Variants in CSMD3 observed in about 807,000 individuals in gnomAD.
The protein encoded by CSMD3 is CUB and sushi domain-containing protein 3.
CSMD3 carries 177 observed loss-of-function variants against 435.2 expected under a neutral mutation model. The observed-to-expected ratio is 0.41, with a 90% CI of 0.36 to 0.46. CSMD3 has a LOEUF of 0.46. Ranked by LOEUF, CSMD3 falls within the 20% of genes least tolerant of loss-of-function variation. CSMD3 has a pLI of 0.34. For missense variants in CSMD3, 4,265 were observed against 4,504.6 expected (o/e 0.95, Z 1.52); for synonymous variants, 1,656 against 1,520.5 (o/e 1.09, Z -2.07).
At chr8:112,452,964 T>A (rs1366340363) in intron 32 of CSMD3, among the ~76,000 whole-genome samples, 2 of 152,192 alleles carry the variant, frequency 1.3e-5, no homozygotes, top group African/African-American at 4.8e-5. Flanking sequence ...AAATACTGGT[T>A]AAAATTAATT....
intron 32 of CSMD3, among the ~76,000 whole-genome samples, chr8:112,458,881 T>C (rs1166512090): frequency 2.6e-5 from 4 of 152,090 alleles, no homozygotes; most frequent in Non-Finnish European, 5.9e-5. Context: ...GTAATATCAC[T>C]TGCTCCTTTC....
chr8:112,271,705 A>G (rs1199938263), intron 59 of CSMD3, among the ~76,000 whole-genome samples: 2 of 152,228 alleles, frequency 1.3e-5, no homozygotes, highest in Non-Finnish European at 2.9e-5. Context: ...GATTTGTTGT[A>G]ATAATTGAGA....
intron 3 of CSMD3, among the ~76,000 whole-genome samples, chr8:113,209,046 G>A (rs148223956): frequency 2.3e-4 from 35 of 152,034 alleles, no homozygotes; most frequent in African/African-American, 6.5e-4. Context: ...AGCTTGTGTA[G>A]GTTCTTTGAA....
At chr8:113,170,659 G>C (rs1162714964) in intron 4 of CSMD3, among the ~76,000 whole-genome samples, 1 of 152,052 alleles carries the variant, frequency 6.6e-6, no homozygotes, top group Non-Finnish European at 1.5e-5. Context: ...CTTGATTACT[G>C]TCTGCCCCAC....
intron 22 of CSMD3, among the ~76,000 whole-genome samples, chr8:112,634,581 C>T (rs1229608887): frequency 6.6e-6 from 1 of 151,944 alleles, no homozygotes; most frequent in Non-Finnish European, 1.5e-5. Context: ...AATTTTCTTT[C>T]ATCCTTCCCA....
chr8:112,495,842 G>C (rs1391765613), intron 30 of CSMD3, among the ~76,000 whole-genome samples: 2 of 151,680 alleles, frequency 1.3e-5, no homozygotes, highest in African/African-American at 4.8e-5. Flanking sequence ...TATATCAGAA[G>C]ATATATTTTA....
chr8:112,691,379 A>T (rs549904655), intron 13 of CSMD3, among the ~76,000 whole-genome samples: 2 of 152,172 alleles, frequency 1.3e-5, no homozygotes, highest in East Asian at 3.9e-4. Flanking sequence ...TCCACATTTT[A>T]CTAGTCTTTA....
chr8:112,476,500 A>G (rs376848426), intron 31 of CSMD3, among the ~76,000 whole-genome samples: 9 of 152,156 alleles, frequency 5.9e-5, no homozygotes, highest in African/African-American at 2.2e-4. Context: ...TTATTTGACC[A>G]TGAAAAATTT....
At chr8:112,482,219 A>G (rs1041310823) in intron 31 of CSMD3, among the ~76,000 whole-genome samples, 3 of 152,184 alleles carry the variant, frequency 2.0e-5, no homozygotes, top group Non-Finnish European at 4.4e-5. Context: ...GATCCTACAG[A>G]AAGAGTCATT....
chr8:113,318,626 G>A (rs1023821403), intron 1 of CSMD3, among the ~76,000 whole-genome samples: 2 of 151,874 alleles, frequency 1.3e-5, no homozygotes, highest in African/African-American at 2.4e-5. Flanking sequence ...TTGCCTATGC[G>A]TGTGTACTTA....
At chr8:112,959,185 TAGC>T (rs1305573375) in intron 7 of CSMD3, among the ~76,000 whole-genome samples, 1 of 152,084 alleles carries the variant, frequency 6.6e-6, no homozygotes, top group Non-Finnish European at 1.5e-5. Flanking sequence ...TAGTATTAGT[TAGC>T]AGAACATTGT....
At chr8:112,540,512 C>T (rs951131855) in intron 27 of CSMD3, among the ~76,000 whole-genome samples, 6 of 151,816 alleles carry the variant, frequency 4.0e-5, no homozygotes, top group African/African-American at 1.2e-4. Context: ...TTCACAATAA[C>T]GAAGGTATTC....
chr8:112,787,686 C>T (rs2078583510), intron 13 of CSMD3, among the ~76,000 whole-genome samples: 1 of 152,016 alleles, frequency 6.6e-6, no homozygotes. Context: ...AAGCCAGGCA[C>T]AGAAAGACAA....
In CSMD3 at chr8:113,205,269, C is replaced by G. The variant is rs187497257; in HGVS notation, c.515-31353G>C. On this transcript the variant is annotated intron_variant, in intron 3 of 70. Transcript: ENST00000297405. ...AAGTGTTGGGATTACAGGCATGAGC[C>G]ACCGTGGCCGGCAGGGAACTCCTCC... 1.8e-3 allele frequency among the ~76,000 whole-genome samples: 271 copies of G among 152,254 alleles called. 2 individuals carry two copies. Among genetic ancestry groups the G allele is most frequent in the African/African-American group, 6.4e-3 (264 of 41,554 alleles).
At chr8:112,939,230 G>A (rs557738682) in intron 9 of CSMD3, among the ~76,000 whole-genome samples, 18 of 152,204 alleles carry the variant, frequency 1.2e-4, no homozygotes, top group Admixed American at 7.2e-4. Flanking sequence ...GGGAACTGAA[G>A]ATTACTAATG....
chr8:113,237,501 T>C (rs1052179639), intron 3 of CSMD3, among the ~76,000 whole-genome samples: 3 of 152,214 alleles, frequency 2.0e-5, no homozygotes, highest in African/African-American at 7.2e-5. Context: ...AAGCCATTTA[T>C]TTTGCATACA....
chr8:112,871,375 G>A (rs762864010), intron 10 of CSMD3, among the ~76,000 whole-genome samples: 1 of 151,910 alleles, frequency 6.6e-6, no homozygotes, highest in East Asian at 1.9e-4. Context: ...TAGTAACCTA[G>A]GAAGAAAGAA....
intron 1 of CSMD3, among the ~76,000 whole-genome samples, chr8:113,336,863 C>A (rs1218107412): frequency 6.6e-6 from 1 of 152,118 alleles, no homozygotes; most frequent in Admixed American, 6.6e-5. Context: ...AGTATTCTAG[C>A]TCTTTCAAGC....
At chr8:113,434,888 T>C (rs2094696206) in intron 1 of CSMD3, among the ~76,000 whole-genome samples, 1 of 152,188 alleles carries the variant, frequency 6.6e-6, no homozygotes, top group Non-Finnish European at 1.5e-5. Context: ...CCCCCTCATC[T>C]GCCCCCGAAT....
Sources: gnomAD v4.1 joint callset for allele counts (sites outside exome capture counted in the v4.1 genomes callset) on GRCh38, gnomAD v4.1.1 for gene constraint, MANE v1.5 for transcripts, NCBI Gene and HGNC (gene_info 2026-07-23, HGNC 2026-07-21) for gene names.